Variants in CLIC6 observed in about 807,000 individuals in gnomAD.
The protein encoded by CLIC6 is chloride intracellular channel protein 6.
A neutral mutation model predicts 49.2 loss-of-function variants in CLIC6; 39 were observed. That is an observed-to-expected ratio of 0.79 (90% CI 0.61 to 1.04). The LOEUF (loss-of-function observed/expected upper bound fraction) is 1.04, where lower values mean the gene tolerates loss of function less well. CLIC6 is among the 50% of genes least tolerant of loss of function. The pLI is 0.00. For synonymous variants in CLIC6, 446 were observed against 433.4 expected (o/e 1.03, Z -0.36); for missense variants, 988 against 993.1 (o/e 0.99, Z 0.07).
At chr21:34,695,988 T>C (rs1344244737) in intron 1 of CLIC6, among the ~76,000 whole-genome samples, 1 of 152,226 alleles carries the variant, frequency 6.6e-6, no homozygotes. Flanking sequence ...GGTTTCTGCA[T>C]GTGGATGTCT....
At chr21:34,699,258 T>C (rs1387327471) in intron 1 of CLIC6, among the ~76,000 whole-genome samples, 1 of 152,082 alleles carries the variant, frequency 6.6e-6, no homozygotes, top group Non-Finnish European at 1.5e-5. Flanking sequence ...TGTTTTGTTT[T>C]GTTTTGTTTT....
At chr21:34,672,401 G>A (rs1480013001) in intron 1 of CLIC6, among the ~76,000 whole-genome samples, 1 of 152,136 alleles carries the variant, frequency 6.6e-6, no homozygotes, top group Non-Finnish European at 1.5e-5. Flanking sequence ...GTTCCTTGAG[G>A]GAGCCACGTT....
chr21:34,706,363 T>C (rs889325046), intron 1 of CLIC6, among the ~76,000 whole-genome samples: 4 of 152,096 alleles, frequency 2.6e-5, no homozygotes, highest in Non-Finnish European at 4.4e-5. Flanking sequence ...TCATGAGAAA[T>C]CCACCCCCCG....
At chr21:34,673,236 T>A (rs1989600055) in intron 1 of CLIC6, among the ~76,000 whole-genome samples, 1 of 151,718 alleles carries the variant, frequency 6.6e-6, no homozygotes, top group Admixed American at 6.6e-5. Context: ...TTGCTAACTT[T>A]TTTTTTTCTT....
chr21:34,713,038 C>T lies in CLIC6; in HGVS notation c.1900-3283C>T, dbSNP rs989772209. 1.1e-3 allele frequency among the ~76,000 whole-genome samples: 161 copies of T among 152,056 alleles called. 1 individual carries two copies. Among genetic ancestry groups the T allele is most frequent in the Non-Finnish European group, 7.4e-5 (5 of 68,022 alleles). On this transcript the variant is annotated intron_variant, in intron 5 of 5. Transcript: ENST00000349499. Reference sequence around the variant, plus strand: ...CTCACTCCCTTTGCCCTCCCCACTGCTTTTAAGCAAATGATAGGTCCAGTA... The same window carrying T: ...CTCACTCCCTTTGCCCTCCCCACTGTTTTTAAGCAAATGATAGGTCCAGTA...
intron 5 of CLIC6, among the ~76,000 whole-genome samples, chr21:34,710,627 C>T (rs2145820308): frequency 6.6e-6 from 1 of 152,276 alleles, no homozygotes; most frequent in East Asian, 1.9e-4. Flanking sequence ...TCCTGGCTAA[C>T]ATGGTGAAAC....
At chr21:34,673,304 A>G (rs1467584820) in intron 1 of CLIC6, among the ~76,000 whole-genome samples, 5 of 150,028 alleles carry the variant, frequency 3.3e-5, no homozygotes, top group South Asian at 2.1e-4. Flanking sequence ...TTTTTTTTTT[A>G]ATTGAGACAG....
chr21:34,716,218 C>G (rs748723767), intron 5 of CLIC6, 103 bp from the exon 6 acceptor site: 17 of 985,388 alleles, frequency 1.7e-5, no homozygotes, highest in Non-Finnish European at 2.4e-5. Context: ...ACATGGGAAA[C>G]TGGGAAAGAA....
At chr21:34,697,412 T>G (rs1220182145) in intron 1 of CLIC6, among the ~76,000 whole-genome samples, 1 of 152,038 alleles carries the variant, frequency 6.6e-6, no homozygotes, top group African/African-American at 2.4e-5. Context: ...TCTGGTCCCT[T>G]CCCCTCCCCT....
At chr21:34,684,217 G>A (rs1989834363) in intron 1 of CLIC6, among the ~76,000 whole-genome samples, 1 of 152,122 alleles carries the variant, frequency 6.6e-6, no homozygotes, top group Non-Finnish European at 1.5e-5. Context: ...ACAGTGATTA[G>A]AACAAACACA....
At chr21:34,688,458 C>T (rs1486272701) in intron 1 of CLIC6, among the ~76,000 whole-genome samples, 3 of 152,240 alleles carry the variant, frequency 2.0e-5, no homozygotes. Context: ...TACAGAGAGG[C>T]TAAGAAGCAG....
intron 1 of CLIC6, among the ~76,000 whole-genome samples, chr21:34,701,831 G>T (rs1015480993): frequency 5.3e-5 from 8 of 152,164 alleles, no homozygotes; most frequent in African/African-American, 1.9e-4. Flanking sequence ...TTTAAATATT[G>T]CATTTTAAGT....
intron 1 of CLIC6, among the ~76,000 whole-genome samples, chr21:34,701,203 G>A (rs1384546994): frequency 6.8e-6 from 1 of 147,138 alleles, no homozygotes; most frequent in Non-Finnish European, 1.5e-5. Flanking sequence ...TCGGGAGGCT[G>A]AGGCAGGAGA....
chr21:34,712,006 G>C (rs549343289), intron 5 of CLIC6, among the ~76,000 whole-genome samples: 150 of 152,288 alleles, frequency 9.8e-4, no homozygotes, highest in Admixed American at 2.2e-3. Context: ...TTGAAGAAGA[G>C]GGGGAGAAAT....
chr21:34,694,977 T>C (rs1285612110), intron 1 of CLIC6, among the ~76,000 whole-genome samples: 1 of 152,256 alleles, frequency 6.6e-6, no homozygotes, highest in East Asian at 1.9e-4. Flanking sequence ...AGGATTCCCA[T>C]GTGGAAATTC....
intron 1 of CLIC6, among the ~76,000 whole-genome samples, chr21:34,702,707 T>C (rs2834593): frequency 0.41 from 62,288 of 151,964 alleles, 14,442 homozygotes; most frequent in African/African-American, 0.63. Context: ...GTGTCCAAAG[T>C]GTGTGAGGCC....
intron 2 of CLIC6, 48 bp downstream of exon 2, chr21:34,707,437 GCACACACACACACACA>G: frequency 1.5e-5 from 11 of 735,802 alleles, no homozygotes; most frequent in Non-Finnish European, 2.1e-5. Flanking sequence ...CTAGTTCTCT[GCACACACACACACACA>G]CACACACACA....
intron 1 of CLIC6, among the ~76,000 whole-genome samples, chr21:34,680,058 CT>C (rs1203369608): frequency 6.6e-6 from 1 of 152,266 alleles, no homozygotes; most frequent in East Asian, 1.9e-4. Flanking sequence ...CTACATTTCC[CT>C]TCTGTACTGC....
At chr21:34,672,086 C>T (rs1989577821) in intron 1 of CLIC6, among the ~76,000 whole-genome samples, 2 of 152,212 alleles carry the variant, frequency 1.3e-5, no homozygotes, top group African/African-American at 4.8e-5. Context: ...GGCCTCTTAG[C>T]ACAGTTTTGA....
Sources: gnomAD v4.1 joint callset for allele counts (sites outside exome capture counted in the v4.1 genomes callset) on GRCh38, gnomAD v4.1.1 for gene constraint, MANE v1.5 for transcripts, NCBI Gene and HGNC (gene_info 2026-07-23, HGNC 2026-07-21) for gene names.